The following MEOX2 variants were observed in gnomAD, a reference collection of about 807,000 sequenced individuals.
MEOX2 encodes mesenchyme homeobox 2.
A neutral mutation model predicts 27.0 loss-of-function variants in MEOX2; 11 were observed. The observed-to-expected ratio is 0.41, with a 90% CI of 0.26 to 0.68. The LOEUF (loss-of-function observed/expected upper bound fraction) is 0.68, where lower values mean the gene tolerates loss of function less well. Among genes scored for constraint, MEOX2 ranks in the 30% least tolerant of loss-of-function variants. The pLI is 0.33. For missense variants in MEOX2, 436 were observed against 385.4 expected (o/e 1.13, Z -1.10); for synonymous variants, 189 against 155.4 (o/e 1.22, Z -1.61).
intron 1 of MEOX2, among the ~76,000 whole-genome samples, chr7:15,665,773 T>C (rs949200474): frequency 5.9e-5 from 9 of 152,226 alleles, no homozygotes; most frequent in African/African-American, 2.2e-4. Flanking sequence ...AGTAGATTTA[T>C]ATGCTATCTT....
Position 15,652,903 on chromosome 7 carries a change from A to G in MEOX2, c.518-25985T>C, listed in dbSNP as rs74581919. ...TGTTGAAGAGCATTTGCACTGTTCC[A>G]GTTTTTGTTTATTATGATTAAAACT... On this transcript the variant is annotated intron_variant, in intron 1 of 2. Transcript: ENST00000262041. Among the ~76,000 whole-genome samples the G allele has an allele frequency of 2.6e-3, 391 of 152,126 alleles. 3 individuals carry two copies. Among genetic ancestry groups the G allele is most frequent in the East Asian group, 0.019 (97 of 5,180 alleles).
intron 1 of MEOX2, among the ~76,000 whole-genome samples, chr7:15,628,201 A>T (rs1423177798): frequency 6.6e-6 from 1 of 152,056 alleles, no homozygotes; most frequent in Non-Finnish European, 1.5e-5. Flanking sequence ...TACAAAAATG[A>T]ATTTTTTAGT....
intron 1 of MEOX2, among the ~76,000 whole-genome samples, chr7:15,667,690 C>T (rs1291133104): frequency 6.6e-6 from 1 of 152,042 alleles, no homozygotes; most frequent in Non-Finnish European, 1.5e-5. Context: ...TGAGCTCCTC[C>T]CTTTAAATAA....
At chr7:15,669,753 A>C (rs2115389855) in intron 1 of MEOX2, among the ~76,000 whole-genome samples, 1 of 152,322 alleles carries the variant, frequency 6.6e-6, no homozygotes, top group Non-Finnish European at 1.5e-5. Flanking sequence ...TCCTTCTAAA[A>C]AGTTAAAAAC....
chr7:15,624,077 T>G (rs889434317), intron 2 of MEOX2, among the ~76,000 whole-genome samples: 2 of 152,222 alleles, frequency 1.3e-5, no homozygotes, highest in African/African-American at 2.4e-5. Context: ...GGTTTTAATT[T>G]CCATTTTATG....
intron 1 of MEOX2, among the ~76,000 whole-genome samples, chr7:15,645,554 C>T (rs898577994): frequency 4.6e-5 from 7 of 152,010 alleles, no homozygotes; most frequent in African/African-American, 1.7e-4. Context: ...GAAAATATTT[C>T]TACATTGAAA....
intron 1 of MEOX2, chr7:15,679,722 C>T (rs570858387): frequency 6.6e-4 from 100 of 151,922 alleles, no homozygotes; most frequent in African/African-American, 1.9e-3. Flanking sequence ...AATAAAATAA[C>T]AATATTATCA....
chr7:15,627,284 G>C (rs1317063654), intron 1 of MEOX2, among the ~76,000 whole-genome samples: 1 of 152,048 alleles, frequency 6.6e-6, no homozygotes, highest in Admixed American at 6.6e-5. Flanking sequence ...TGAGGTCTAA[G>C]TAAGATTGAA....
At chr7:15,671,365 C>G (rs1782093993) in intron 1 of MEOX2, among the ~76,000 whole-genome samples, 1 of 152,298 alleles carries the variant, frequency 6.6e-6, no homozygotes, top group Non-Finnish European at 1.5e-5. Flanking sequence ...GGTAACCAAA[C>G]TGATCAGATT....
chr7:15,658,632 A>G (rs1781862296), intron 1 of MEOX2, among the ~76,000 whole-genome samples: 1 of 152,120 alleles, frequency 6.6e-6, no homozygotes, highest in South Asian at 2.1e-4. Flanking sequence ...CTAATCCCCA[A>G]TGTGATGGTA....
At chr7:15,678,831 G>A (rs754606838) in intron 1 of MEOX2, 10 of 152,124 alleles carry the variant, frequency 6.6e-5, no homozygotes, top group Non-Finnish European at 1.5e-4. Flanking sequence ...TAGGTTTTGC[G>A]GAGCCTGACA....
chr7:15,642,823 C>A (rs1781583316), intron 1 of MEOX2, among the ~76,000 whole-genome samples: 1 of 152,048 alleles, frequency 6.6e-6, no homozygotes, highest in Non-Finnish European at 1.5e-5. Context: ...TGGGTAGGTC[C>A]CTTTAGCTTT....
Position 15,685,867 on chromosome 7 carries a change from G to A in MEOX2, c.517+19C>T, listed in dbSNP as rs769386764. 6.4e-7 allele frequency: 1 copy of A among 1,567,548 alleles called. No homozygotes were observed. The highest frequency in any genetic ancestry group is 1.8e-5 in the Admixed American group (1 of 54,978). On this transcript the variant is annotated intron_variant, in intron 1 of 2. Coordinates refer to ENST00000262041, the MANE Select transcript of MEOX2 (RefSeq NM_005924.5). The stretch of plus-strand genomic sequence containing the variant: ...TCCAGCCCGGCGCGCACTCTCGAGG[G>A]TGCCTGGCGCGCCCTTACCTGAGCT...
chr7:15,667,038 TC>T (rs1353485161), intron 1 of MEOX2, among the ~76,000 whole-genome samples: 1 of 150,634 alleles, frequency 6.6e-6, no homozygotes, highest in Non-Finnish European at 1.5e-5. Context: ...ACACCTGTAA[TC>T]CCAGCACTTT....
At chr7:15,681,682 G>A (rs1300283711) in intron 1 of MEOX2, 2 of 151,508 alleles carry the variant, frequency 1.3e-5, no homozygotes, top group African/African-American at 4.8e-5. Context: ...GGGAGAATGG[G>A]GTAATGACTG....
At chr7:15,623,662 C>A (rs1781253041) in intron 2 of MEOX2, among the ~76,000 whole-genome samples, 1 of 152,060 alleles carries the variant, frequency 6.6e-6, no homozygotes, top group Non-Finnish European at 1.5e-5. Context: ...CTTGAGCTAC[C>A]ACTCCCAGCT....
At chr7:15,682,655 A>G (rs1409335100) in intron 1 of MEOX2, among the ~76,000 whole-genome samples, 1 of 151,898 alleles carries the variant, frequency 6.6e-6, no homozygotes, top group Non-Finnish European at 1.5e-5. Flanking sequence ...CGATCAATGA[A>G]TTAATTTTAG....
chr7:15,626,871 T>C lies in MEOX2; in HGVS notation c.565A>G (p.Lys189Glu), dbSNP rs1781316816. The C allele has an allele frequency of 6.2e-7, 1 of 1,612,346 alleles. No homozygotes were observed. The highest frequency in any genetic ancestry group is 1.7e-5 in the Admixed American group (1 of 59,684). ...YKSEVNSKPR[K>E]ERTAFTKEQI... Reference sequence around the variant, plus strand: ...TCTTTGGTAAATGCTGTCCTTTCTTTCCTGGGTTTGCTGTTGACTTCTGAC... The same window carrying C: ...TCTTTGGTAAATGCTGTCCTTTCTTCCCTGGGTTTGCTGTTGACTTCTGAC... The change falls in exon 2 of 3, where the codon AAA becomes GAA. Residue 189 changes from lysine to glutamate, a missense_variant. Transcript: ENST00000262041.
intron 1 of MEOX2, among the ~76,000 whole-genome samples, chr7:15,665,565 TG>T (rs1308471851): frequency 6.6e-6 from 1 of 152,178 alleles, no homozygotes; most frequent in African/African-American, 2.4e-5. Flanking sequence ...AACTCCAGAA[TG>T]GTCCAAATTA....
Sources: allele counts gnomAD v4.1 joint callset (sites outside exome capture counted in the v4.1 genomes callset), GRCh38; gene constraint gnomAD v4.1.1; transcripts MANE v1.5; gene names NCBI Gene and HGNC (gene_info 2026-07-23, HGNC 2026-07-21).